Variants in EXOC4 observed in about 807,000 individuals in gnomAD.
EXOC4 encodes the protein SEC8-like 1.
EXOC4 carries 71 observed loss-of-function variants against 107.2 expected under a neutral mutation model. That is an observed-to-expected ratio of 0.66 (90% CI 0.55 to 0.81). EXOC4 has a LOEUF of 0.81. Among genes scored for constraint, EXOC4 ranks in the 30% least tolerant of loss-of-function variants. EXOC4 has a pLI of 0.00. For synonymous variants in EXOC4, 456 were observed against 441.2 expected (o/e 1.03, Z -0.42); for missense variants, 1,108 against 1,189.6 (o/e 0.93, Z 1.01).
intron 2 of EXOC4, among the ~76,000 whole-genome samples, chr7:133,287,835 T>G (rs778526546): frequency 2.0e-5 from 3 of 152,216 alleles, no homozygotes; most frequent in Admixed American, 2.0e-4. Context: ...AGGCATAGTG[T>G]CAGTGAATAT....
chr7:133,487,831 A>G (rs150422451), intron 9 of EXOC4, among the ~76,000 whole-genome samples: 213 of 152,324 alleles, frequency 1.4e-3, no homozygotes, highest in African/African-American at 5.0e-3. Flanking sequence ...CATATTTTCA[A>G]TTATTTGGTT....
At chr7:133,645,908 G>A (rs986104964) in intron 10 of EXOC4, among the ~76,000 whole-genome samples, 2 of 152,164 alleles carry the variant, frequency 1.3e-5, no homozygotes, top group East Asian at 1.9e-4. Context: ...GATAAAGAAG[G>A]TCTTTTGTTT....
At chr7:133,865,594 A>C (rs1798620278) in intron 11 of EXOC4, among the ~76,000 whole-genome samples, 1 of 152,194 alleles carries the variant, frequency 6.6e-6, no homozygotes, top group Non-Finnish European at 1.5e-5. Context: ...ATTTGTGAAG[A>C]AATGAGGTTT....
chr7:133,815,057 G>A lies in EXOC4; in HGVS notation c.1515-2268G>A, dbSNP rs1031145172. ...AAATGACCATGCAAGCTGAAACCAT[G>A]CAAAGCAATCTTAATCAATGAGGAT... is the stretch of plus-strand genomic sequence containing the variant. On this transcript the variant is annotated intron_variant, in intron 10 of 17. Transcript: ENST00000253861. Among the ~76,000 whole-genome samples, 3 of 152,072 alleles carry A rather than the reference G, an allele frequency of 2.0e-5. No homozygotes were observed. The South Asian group carries it at 6.2e-4, about 32-fold the overall frequency.
At chr7:133,424,915 T>G (rs1425178944) in intron 7 of EXOC4, among the ~76,000 whole-genome samples, 2 of 152,188 alleles carry the variant, frequency 1.3e-5, no homozygotes, top group African/African-American at 4.8e-5. Context: ...ATAAACTAGG[T>G]TGGCTAGCAC....
intron 10 of EXOC4, among the ~76,000 whole-genome samples, chr7:133,715,805 G>C: frequency 6.6e-6 from 1 of 152,066 alleles, no homozygotes; most frequent in South Asian, 2.1e-4. Flanking sequence ...GGGTACCAGT[G>C]CCCTTTCACT....
At chr7:133,940,540 A>G (rs1800401805) in intron 14 of EXOC4, among the ~76,000 whole-genome samples, 2 of 152,290 alleles carry the variant, frequency 1.3e-5, no homozygotes, top group South Asian at 2.1e-4. Context: ...GCAAAACCCA[A>G]GTGAACTGTA....
chr7:133,464,430 A>ACATGAATT (rs1238910498), intron 7 of EXOC4, among the ~76,000 whole-genome samples: 1 of 152,234 alleles, frequency 6.6e-6, no homozygotes, highest in Non-Finnish European at 1.5e-5. Context: ...TAAGGCAGGC[A>ACATGAATT]CATGAATTTC....
rs372236182 is a variant in EXOC4 at position 133,373,691 on chromosome 7, T to C, written c.1008-1137T>C. Among the ~76,000 whole-genome samples the C allele has an allele frequency of 1.9e-4, 29 of 152,310 alleles. No homozygotes were observed. In the South Asian group the frequency reaches 5.8e-3, roughly 30 times the overall value. ...TCAACTTTCCAAGTTGGTTTATCAGTCTATTTAGGAATTACAAGCTGAGAG... is the reference window on the plus strand; with the variant it reads ...TCAACTTTCCAAGTTGGTTTATCAGCCTATTTAGGAATTACAAGCTGAGAG... On this transcript the variant is annotated intron_variant, in intron 6 of 17. Coordinates refer to ENST00000253861, the MANE Select transcript of EXOC4 (RefSeq NM_021807.4).
chr7:134,035,000 GT>G (rs1211440080), intron 17 of EXOC4, among the ~76,000 whole-genome samples: 1 of 151,464 alleles, frequency 6.6e-6, no homozygotes, highest in African/African-American at 2.4e-5. Flanking sequence ...ATGGTTTGGG[GT>G]AAAGAAGGAG....
intron 17 of EXOC4, among the ~76,000 whole-genome samples, chr7:134,008,723 G>A (rs1794701903): frequency 6.6e-6 from 1 of 151,978 alleles, no homozygotes; most frequent in Non-Finnish European, 1.5e-5. Context: ...GCTCACTATA[G>A]CCTTGAATTC....
intron 9 of EXOC4, among the ~76,000 whole-genome samples, chr7:133,623,542 A>G (rs1802382360): frequency 6.6e-6 from 1 of 152,200 alleles, no homozygotes; most frequent in African/African-American, 2.4e-5. Flanking sequence ...AAAGAATACA[A>G]TTATGAACAA....
chr7:133,704,316 C>A (rs1388293880), intron 10 of EXOC4, among the ~76,000 whole-genome samples: 1 of 152,130 alleles, frequency 6.6e-6, no homozygotes, highest in East Asian at 1.9e-4. Context: ...TTATCACTTT[C>A]AGCATGGAAC....
At chr7:133,801,723 C>A (rs536802492) in intron 10 of EXOC4, among the ~76,000 whole-genome samples, 13 of 152,336 alleles carry the variant, frequency 8.5e-5, no homozygotes, top group African/African-American at 3.1e-4. Flanking sequence ...GATGCTCAGC[C>A]TACTATCGTG....
chr7:133,817,685 G>A (rs1176570299), intron 11 of EXOC4, 141 bp downstream of exon 11: 7 of 611,428 alleles, frequency 1.1e-5, no homozygotes, highest in African/African-American at 3.7e-5. Flanking sequence ...AGGCACTAGG[G>A]AAATTTAGAT....
chr7:133,843,247 A>C (rs2151251599), intron 11 of EXOC4, among the ~76,000 whole-genome samples: 1 of 152,190 alleles, frequency 6.6e-6, no homozygotes, highest in South Asian at 2.1e-4. Flanking sequence ...TGAATCTGTA[A>C]ATTGCTTTGG....
intron 10 of EXOC4, among the ~76,000 whole-genome samples, chr7:133,650,937 G>GTTGT (rs1195562706): frequency 1.1e-5 from 1 of 88,694 alleles, no homozygotes; most frequent in Non-Finnish European, 2.2e-5. Flanking sequence ...AGATTGGTCA[G>GTTGT]TTTTTTTTTT....
At chr7:133,422,286 A>G (rs1384235646) in intron 7 of EXOC4, among the ~76,000 whole-genome samples, 2 of 152,210 alleles carry the variant, frequency 1.3e-5, no homozygotes, top group Non-Finnish European at 2.9e-5. Context: ...GAGATTTTTA[A>G]AAAACTCGCT....
At chr7:133,402,308 A>G (rs953801264) in intron 7 of EXOC4, among the ~76,000 whole-genome samples, 11 of 152,204 alleles carry the variant, frequency 7.2e-5, no homozygotes, top group African/African-American at 2.7e-4. Flanking sequence ...AACTGTTTCA[A>G]ACAGGTATGA....
Sources: allele counts gnomAD v4.1 joint callset (sites outside exome capture counted in the v4.1 genomes callset), GRCh38; gene constraint gnomAD v4.1.1; transcripts MANE v1.5; gene names NCBI Gene and HGNC (gene_info 2026-07-23, HGNC 2026-07-21).